The following NEGR1 variants were observed in gnomAD, a reference collection of about 807,000 sequenced individuals.
The protein encoded by NEGR1 is IgLON family member 4.
In NEGR1, 10 loss-of-function variants were observed where a neutral mutation model predicts 40.9. The ratio of observed to expected loss-of-function variants is 0.24; its 90% CI spans 0.15 to 0.42. The LOEUF (loss-of-function observed/expected upper bound fraction) is 0.42, where lower values mean the gene tolerates loss of function less well. Among genes scored for constraint, NEGR1 ranks in the 10% least tolerant of loss-of-function variants. NEGR1 has a pLI of 1.00. For missense variants in NEGR1, 352 were observed against 438.9 expected, an observed-to-expected ratio of 0.80 and a Z score of 1.77; for synonymous variants, 185 against 166.8, an observed-to-expected ratio of 1.11 and a Z score of -0.84.
In NEGR1 at chr1:71,759,287, C is replaced by CTTTTTTTT. The variant is rs759687500; in HGVS notation, c.535+16877_535+16884dup. Among the ~76,000 whole-genome samples, 54 of 85,210 alleles carry CTTTTTTTT rather than the reference C, an allele frequency of 6.3e-4. 5 individuals are homozygous for CTTTTTTTT. Among genetic ancestry groups the CTTTTTTTT allele is most frequent in the Admixed American group, 3.0e-3 (18 of 6,048 alleles). 55.9% of individuals were successfully genotyped at this position (85,210 alleles called of 152,430 possible). A position where few individuals can be genotyped will look rare whatever the true frequency, so the allele number is the denominator to read the frequency against. ...AAGGTTGCATTTTCCAAGATTATAA[C>CTTTTTTTT]TTTTTTTTTTTTTTTTTTTTTTTTT... On this transcript the variant is annotated intron_variant, in intron 3 of 6. Transcript: ENST00000357731.
At chr1:71,734,356 C>T (rs1190258262) in intron 3 of NEGR1, among the ~76,000 whole-genome samples, 5 of 152,068 alleles carry the variant, frequency 3.3e-5, no homozygotes, top group African/African-American at 1.2e-4. Flanking sequence ...GCTTCAGTCT[C>T]CTTATCTGTG....
At chr1:72,119,049 T>A (rs891035194) in intron 1 of NEGR1, among the ~76,000 whole-genome samples, 2 of 151,774 alleles carry the variant, frequency 1.3e-5, no homozygotes, top group African/African-American at 4.8e-5. Flanking sequence ...ATATCCAACC[T>A]TTTCCAAGAT....
chr1:72,031,502 A>G (rs1488214262), intron 1 of NEGR1, among the ~76,000 whole-genome samples: 3 of 152,152 alleles, frequency 2.0e-5, no homozygotes, highest in Non-Finnish European at 2.9e-5. Flanking sequence ...ACCCCTTTCA[A>G]TTGACAAGCC....
chr1:71,916,004 A>T (rs979245657), intron 2 of NEGR1, among the ~76,000 whole-genome samples: 6 of 152,114 alleles, frequency 3.9e-5, no homozygotes, highest in African/African-American at 1.4e-4. Context: ...AAAAACACAG[A>T]GGTGTGACAC....
At chr1:71,878,176 A>C (rs1570459335) in intron 2 of NEGR1, among the ~76,000 whole-genome samples, 1 of 152,182 alleles carries the variant, frequency 6.6e-6, no homozygotes, top group East Asian at 1.9e-4. Flanking sequence ...GGCCAATTTC[A>C]GTGCTCAATA....
At chr1:71,703,538 C>CTT (rs1653773578) in intron 3 of NEGR1, 1 of 147,238 alleles carries the variant, frequency 6.8e-6, no homozygotes, top group African/African-American at 2.5e-5. Flanking sequence ...ATACAGTTGG[C>CTT]TATAACTATG....
intron 1 of NEGR1, among the ~76,000 whole-genome samples, chr1:71,951,908 T>C (rs556169003): frequency 1.3e-5 from 2 of 152,082 alleles, no homozygotes; most frequent in South Asian, 2.1e-4. Context: ...TCTTTGATGT[T>C]ACCATTATAA....
At chr1:71,558,867 A>G (rs1478991832) in intron 6 of NEGR1, among the ~76,000 whole-genome samples, 2 of 150,432 alleles carry the variant, frequency 1.3e-5, no homozygotes, top group Non-Finnish European at 3.0e-5. Context: ...GGTAATAGAG[A>G]CCAAGTTCTG....
intron 6 of NEGR1, among the ~76,000 whole-genome samples, chr1:71,578,678 G>C (rs1053651357): frequency 4.6e-5 from 7 of 152,038 alleles, no homozygotes; most frequent in Admixed American, 1.3e-4. Flanking sequence ...GAAGGAAAGG[G>C]AGATTAGATC....
intron 5 of NEGR1, among the ~76,000 whole-genome samples, chr1:71,600,928 G>C (rs567090068): frequency 1.3e-5 from 2 of 152,124 alleles, no homozygotes; most frequent in Admixed American, 1.3e-4. Flanking sequence ...GTTCCAAACC[G>C]AACTGAGCGT....
chr1:72,215,937 T>C (rs1195326545), intron 1 of NEGR1, among the ~76,000 whole-genome samples: 1 of 151,922 alleles, frequency 6.6e-6, no homozygotes, highest in Admixed American at 6.6e-5. Flanking sequence ...CTGTTGACAA[T>C]AGCAAAGACT....
At chr1:71,745,461 A>G (rs1041683670) in intron 3 of NEGR1, among the ~76,000 whole-genome samples, 1 of 152,176 alleles carries the variant, frequency 6.6e-6, no homozygotes, top group Non-Finnish European at 1.5e-5. Context: ...TGCTCACACT[A>G]TATAGAGCCC....
chr1:72,210,657 T>C (rs1004897147), intron 1 of NEGR1, among the ~76,000 whole-genome samples: 5 of 151,890 alleles, frequency 3.3e-5, no homozygotes, highest in Non-Finnish European at 7.4e-5. Flanking sequence ...CTAGTTCTCA[T>C]AGTATTTTTA....
At chr1:72,270,346 C>A (rs145522513) in intron 1 of NEGR1, among the ~76,000 whole-genome samples, 7 of 151,994 alleles carry the variant, frequency 4.6e-5, no homozygotes, top group African/African-American at 1.4e-4. Context: ...AGCATTCATA[C>A]ATAATTCCGA....
chr1:72,015,395 G>C (rs1385810268), intron 1 of NEGR1, among the ~76,000 whole-genome samples: 1 of 151,296 alleles, frequency 6.6e-6, no homozygotes, highest in South Asian at 2.1e-4. Context: ...TGTTCTTTAG[G>C]CCTGAGTATC....
chr1:71,558,682 C>T (rs1022615844), intron 6 of NEGR1, among the ~76,000 whole-genome samples: 38 of 148,622 alleles, frequency 2.6e-4, no homozygotes, highest in African/African-American at 7.9e-4. Flanking sequence ...TAGATTGTGT[C>T]TGTGTCCTTC....
rs374501633 is a variant in NEGR1 at position 71,848,853 on chromosome 1, C to T, written c.410-72556G>A. 5.4e-4 allele frequency among the ~76,000 whole-genome samples: 82 copies of T among 152,098 alleles called. 1 individual carries two copies. The highest frequency in any genetic ancestry group is 1.8e-3 in the African/African-American group (74 of 41,500). On this transcript the variant is annotated intron_variant, in intron 2 of 6. Coordinates refer to ENST00000357731, the MANE Select transcript of NEGR1 (RefSeq NM_173808.3). ...CTGTAATCCCAGCACTTTGGGAGGCCGAGGCGGGTGGATCACGTGGTTAGT... is the reference window on the plus strand; with the variant it reads ...CTGTAATCCCAGCACTTTGGGAGGCTGAGGCGGGTGGATCACGTGGTTAGT...
intron 1 of NEGR1, among the ~76,000 whole-genome samples, chr1:72,197,951 G>A (rs754043177): frequency 2.6e-4 from 40 of 151,774 alleles, no homozygotes; most frequent in Admixed American, 4.6e-4. Context: ...TGTTGTATGT[G>A]TCAAGGCCAC....
At chr1:72,205,111 C>CA (rs557946908) in intron 1 of NEGR1, among the ~76,000 whole-genome samples, 144 of 151,384 alleles carry the variant, frequency 9.5e-4, no homozygotes, top group African/African-American at 3.0e-3. Context: ...GGAAACAAAA[C>CA]AAAAAAAATC....
Sources: gnomAD v4.1 joint callset for allele counts (sites outside exome capture counted in the v4.1 genomes callset) on GRCh38, gnomAD v4.1.1 for gene constraint, MANE v1.5 for transcripts, NCBI Gene and HGNC (gene_info 2026-07-23, HGNC 2026-07-21) for gene names.